The following TAF2 variants were observed in gnomAD, a reference collection of about 807,000 sequenced individuals.
The protein encoded by TAF2 is transcription initiation factor TFIID subunit 2.
In TAF2, 61 loss-of-function variants were observed where a neutral mutation model predicts 138.5. The observed-to-expected ratio is 0.44, with a 90% confidence interval of 0.36 to 0.54. The LOEUF is 0.54. Among genes scored for constraint, TAF2 ranks in the 20% least tolerant of loss-of-function variants. The pLI, the probability that TAF2 is intolerant of heterozygous loss-of-function variation, is 0.00. For synonymous variants in TAF2, 475 were observed against 469.9 expected (o/e 1.01, Z -0.14); for missense variants, 1,090 against 1,427.9 (o/e 0.76, Z 3.81).
intron 2 of TAF2, among the ~76,000 whole-genome samples, chr8:119,820,345 C>G (rs1370911164): frequency 6.6e-6 from 1 of 152,082 alleles, no homozygotes; most frequent in Admixed American, 6.6e-5. Context: ...GAGGCTATAA[C>G]AGAAATATCT....
At chr8:119,760,468 A>G in intron 20 of TAF2, 131 bp downstream of exon 20, 3 of 1,011,304 alleles carry the variant, frequency 3.0e-6, no homozygotes, top group Non-Finnish European at 4.2e-6. Flanking sequence ...GATGATTTCT[A>G]AATCACTAAG....
intron 6 of TAF2, among the ~76,000 whole-genome samples, chr8:119,798,178 TAC>T (rs1313587730): frequency 6.6e-6 from 1 of 152,170 alleles, no homozygotes; most frequent in Non-Finnish European, 1.5e-5. Context: ...ATTATAAACA[TAC>T]CTCTTATTCA....
At chr8:119,797,946 T>A (rs932690434) in intron 6 of TAF2, 100 bp from the exon 7 acceptor site, 56 of 1,129,134 alleles carry the variant, frequency 5.0e-5, no homozygotes, top group Non-Finnish European at 6.5e-5. Flanking sequence ...TTCTCATAAA[T>A]CTATTCTTTA....
intron 3 of TAF2, among the ~76,000 whole-genome samples, chr8:119,815,465 G>A (rs978310962): frequency 1.3e-5 from 2 of 151,728 alleles, no homozygotes; most frequent in Admixed American, 1.3e-4. Context: ...TAGTAGAGAC[G>A]GGATTTCACC....
intron 23 of TAF2, 43 bp from the exon 24 acceptor site, chr8:119,744,436 C>T (rs772813711): frequency 3.6e-5 from 56 of 1,541,042 alleles, no homozygotes; most frequent in Non-Finnish European, 4.6e-5. Flanking sequence ...AGAACCATTA[C>T]ATCATGTTAT....
intron 3 of TAF2, 71 bp from the exon 4 acceptor site, chr8:119,806,472 T>C (rs1824659864): frequency 4.4e-6 from 1 of 229,592 alleles, no homozygotes; most frequent in African/African-American, 9.9e-5. Context: ...TTTCTTTCTT[T>C]TTTTTTTTTT....
chr8:119,819,853 A>G (rs758725134), intron 2 of TAF2, among the ~76,000 whole-genome samples: 118 of 152,320 alleles, frequency 7.7e-4, no homozygotes, highest in Non-Finnish European at 1.5e-3. Flanking sequence ...GCAGAAAGGG[A>G]ATCAAAATCA....
intron 2 of TAF2, among the ~76,000 whole-genome samples, chr8:119,824,216 G>C (rs560044345): frequency 6.6e-6 from 1 of 152,134 alleles, no homozygotes; most frequent in East Asian, 1.9e-4. Context: ...GGATCACGAG[G>C]TCAGGAGTTC....
chr8:119,786,497 A>T (rs1295305410), intron 14 of TAF2, among the ~76,000 whole-genome samples: 1 of 152,210 alleles, frequency 6.6e-6, no homozygotes, highest in Non-Finnish European at 1.5e-5. Flanking sequence ...AGGATTCTTA[A>T]AACTAAATGT....
intron 2 of TAF2, among the ~76,000 whole-genome samples, chr8:119,822,047 A>G (rs1165288407): frequency 6.6e-6 from 1 of 152,038 alleles, no homozygotes; most frequent in East Asian, 1.9e-4. Flanking sequence ...AAAAACTTAC[A>G]TGGAAAACAC....
chr8:119,748,219 C>T (rs1820115227), intron 22 of TAF2, among the ~76,000 whole-genome samples: 1 of 151,442 alleles, frequency 6.6e-6, no homozygotes, highest in African/African-American at 2.4e-5. Flanking sequence ...CAAAAGAGTA[C>T]CACATTTAAA....
chr8:119,820,686 T>C (rs1211786894), intron 2 of TAF2, among the ~76,000 whole-genome samples: 1 of 152,214 alleles, frequency 6.6e-6, no homozygotes, highest in Non-Finnish European at 1.5e-5. Flanking sequence ...TATGCAAGAA[T>C]TGTTTTTAGG....
chr8:119,827,150 C>T (rs752531989), intron 2 of TAF2, among the ~76,000 whole-genome samples: 59 of 152,064 alleles, frequency 3.9e-4, no homozygotes, highest in Non-Finnish European at 6.9e-4. Flanking sequence ...GCTGTGATTG[C>T]GCCACTGCAC....
At chr8:119,816,133 C>T (rs974671606) in intron 3 of TAF2, among the ~76,000 whole-genome samples, 3 of 150,050 alleles carry the variant, frequency 2.0e-5, no homozygotes, top group Non-Finnish European at 4.4e-5. Flanking sequence ...TCACTGCAAG[C>T]TCCGCCTCCC....
In TAF2 at chr8:119,776,974, A is replaced by G. The variant is rs536881291; in HGVS notation, c.2364+1045T>C. ...TGAATTCCACCAACCTCAGATCAAA[A>G]TTTATTTGGGGAAGAAAAAGGAAGG... On this transcript the variant is annotated intron_variant, in intron 18 of 25. Coordinates refer to ENST00000378164, the MANE Select transcript of TAF2 (RefSeq NM_003184.4). 2.4e-3 allele frequency among the ~76,000 whole-genome samples: 358 copies of G among 152,260 alleles called. 1 individual carries two copies. The highest frequency in any genetic ancestry group is 8.2e-3 in the African/African-American group (341 of 41,544).
intron 3 of TAF2, among the ~76,000 whole-genome samples, chr8:119,808,598 T>C (rs1003454602): frequency 1.3e-5 from 2 of 152,226 alleles, no homozygotes; most frequent in Non-Finnish European, 2.9e-5. Flanking sequence ...GAGGAATCAC[T>C]ATCTATGGCA....
rs1172999462 is a variant in TAF2 at position 119,760,750 on chromosome 8, A to G, written c.2559-12T>C. 1 of 1,613,734 alleles carries G rather than the reference A, an allele frequency of 6.2e-7. No homozygotes were observed. Among genetic ancestry groups the G allele is most frequent in the East Asian group, 2.2e-5 (1 of 44,834 alleles). On this transcript the variant is annotated splice_polypyrimidine_tract_variant and intron_variant, in intron 19 of 25. Transcript: ENST00000378164. ...TGGCTCTCAAACAACTAGGGAAAAA[A>G]ATACGTATGTTAACTACTTTCACTG... is the stretch of plus-strand genomic sequence containing the variant.
chr8:119,758,592 G>C (rs908476150), intron 20 of TAF2, among the ~76,000 whole-genome samples: 4 of 152,028 alleles, frequency 2.6e-5, no homozygotes, highest in African/African-American at 9.7e-5. Flanking sequence ...TTCCATTTAA[G>C]ACTAAAGAAC....
chr8:119,825,527 G>A (rs1324270427), intron 2 of TAF2, among the ~76,000 whole-genome samples: 1 of 152,132 alleles, frequency 6.6e-6, no homozygotes, highest in Admixed American at 6.5e-5. Flanking sequence ...GAGGGGCCAG[G>A]GGCAGAATGA....
Sources: gnomAD v4.1 joint callset for allele counts (sites outside exome capture counted in the v4.1 genomes callset) on GRCh38, gnomAD v4.1.1 for gene constraint, MANE v1.5 for transcripts, NCBI Gene and HGNC (gene_info 2026-07-23, HGNC 2026-07-21) for gene names.